STRN: variants seen among roughly 807,000 people sequenced by gnomAD.
STRN encodes the protein protein phosphatase 2 regulatory subunit B'''alpha.
A neutral mutation model predicts 96.3 loss-of-function variants in STRN; 53 were observed. That is an observed-to-expected ratio of 0.55 (90% CI 0.44 to 0.69). The LOEUF (loss-of-function observed/expected upper bound fraction) is 0.69, where lower values mean the gene tolerates loss of function less well. Among genes scored for constraint, STRN ranks in the 30% least tolerant of loss-of-function variants. The pLI is 0.00. For missense variants in STRN, 987 were observed against 963.9 expected (o/e 1.02, Z -0.32); for synonymous variants, 428 against 355.9 (o/e 1.20, Z -2.28).
chr2:36,861,304 A>G, intron 12 of STRN, 51 bp from the exon 13 acceptor site: 1 of 1,584,552 alleles, frequency 6.3e-7, no homozygotes, highest in Non-Finnish European at 8.6e-7. Context: ...AACCAACCTG[A>G]TAATATGACT....
chr2:36,858,023 T>A lies in STRN; in HGVS notation c.1670A>T (p.Asp557Val), dbSNP rs1468915864. The stretch of plus-strand genomic sequence containing the variant: ...CAGAGGGCCTCGTAAAACAGAAGGA[T>A]CTATACAAAACAGTAAAAATGCAAA... Reference protein sequence around the residue: ...NPNIDPYDSYDPSVLRGPLLG... With the variant: ...NPNIDPYDSYVPSVLRGPLLG... Residue 557 changes from aspartate to valine, a missense_variant and splice_region_variant, in exon 14 of 18, where the codon GAT (aspartate) becomes GTT (valine). Physicochemically the swap from Asp to Val is radical, Grantham distance 152 (BLOSUM62 -3). Coordinates refer to ENST00000263918, the MANE Select transcript of STRN (RefSeq NM_003162.4). 2 of 1,586,606 alleles carry A rather than the reference T, an allele frequency of 1.3e-6. No individual in the cohort carries two copies. The highest frequency in any genetic ancestry group is 4.5e-5 in the East Asian group (2 of 44,178).
intron 12 of STRN, among the ~76,000 whole-genome samples, chr2:36,862,490 TGTAA>T (rs1304026664): frequency 6.6e-6 from 1 of 152,222 alleles, no homozygotes; most frequent in Non-Finnish European, 1.5e-5. Context: ...TTTGCATTTC[TGTAA>T]TAATAAGTGT....
At chr2:36,897,639 G>A (rs1318181230) in intron 6 of STRN, among the ~76,000 whole-genome samples, 12 of 151,518 alleles carry the variant, frequency 7.9e-5, no homozygotes, top group Admixed American at 3.3e-4. Flanking sequence ...GGGTTTCACC[G>A]CGTTAGCCAG....
intron 3 of STRN, among the ~76,000 whole-genome samples, chr2:36,911,705 T>C (rs115660884): frequency 3.3e-4 from 50 of 152,338 alleles, no homozygotes; most frequent in African/African-American, 1.2e-3. Context: ...TTTTAGTTCA[T>C]GGCTTATCAC....
chr2:36,937,439 C>T (rs1235485875), intron 1 of STRN, among the ~76,000 whole-genome samples: 1 of 151,464 alleles, frequency 6.6e-6, no homozygotes, highest in Admixed American at 6.6e-5. Context: ...GAGGTCAAGG[C>T]AGGAAGATGG....
chr2:36,886,953 T>G (rs574887358), intron 7 of STRN, 127 bp from the exon 8 acceptor site: 1 of 624,820 alleles, frequency 1.6e-6, no homozygotes, highest in South Asian at 2.7e-5. Context: ...AGTCAGTTTA[T>G]TCATTTTATA....
chr2:36,890,463 A>C (rs1218501459), intron 7 of STRN, among the ~76,000 whole-genome samples: 1 of 148,014 alleles, frequency 6.8e-6, no homozygotes, highest in Non-Finnish European at 1.5e-5. Flanking sequence ...CAATATTATC[A>C]CTGCACCAGA....
At chr2:36,851,276 A>G (rs983137668) in intron 15 of STRN, among the ~76,000 whole-genome samples, 169 bp from the exon 16 acceptor site, 1 of 151,564 alleles carries the variant, frequency 6.6e-6, no homozygotes, top group African/African-American at 2.4e-5. Context: ...CGAGGTCAGG[A>G]GATCGAGACC....
At chr2:36,958,575 G>C (rs1440983636) in intron 1 of STRN, among the ~76,000 whole-genome samples, 2 of 152,156 alleles carry the variant, frequency 1.3e-5, no homozygotes, top group African/African-American at 4.8e-5. Flanking sequence ...TGGAGTGGAA[G>C]ATATGTCATT....
intron 2 of STRN, among the ~76,000 whole-genome samples, chr2:36,920,033 A>G (rs1350131285): frequency 6.6e-6 from 1 of 152,338 alleles, no homozygotes; most frequent in Non-Finnish European, 1.5e-5. Flanking sequence ...AAAATCATGC[A>G]AAGAAAATCA....
At chr2:36,916,370 A>G (rs1054076867) in intron 2 of STRN, among the ~76,000 whole-genome samples, 3 of 152,256 alleles carry the variant, frequency 2.0e-5, no homozygotes, top group African/African-American at 7.2e-5. Flanking sequence ...AAAATAAAGG[A>G]ATAACTCTGG....
Position 36,848,755 on chromosome 2 carries a change from C to T in STRN, c.*701G>A, listed in dbSNP as rs1668144206. On this transcript the variant is annotated 3_prime_UTR_variant, in exon 18 of 18. Coordinates refer to ENST00000263918, the MANE Select transcript of STRN (RefSeq NM_003162.4). Reference sequence around the variant, plus strand: ...CAATGGTGAGTGCTTGATAGCTAAACTTTAGAATGATACCAAATCTGTTTT... The same window carrying T: ...CAATGGTGAGTGCTTGATAGCTAAATTTTAGAATGATACCAAATCTGTTTT... 6.6e-6 allele frequency: 1 copy of T among 152,350 alleles called. No homozygotes were observed. Among genetic ancestry groups the T allele is most frequent in the Non-Finnish European group, 1.5e-5 (1 of 68,006 alleles). The allele number at this position is 152,350 out of a possible 1,614,324, so 9.4% of individuals were successfully genotyped here. A position where few individuals can be genotyped will look rare whatever the true frequency, so the allele number is the denominator to read the frequency against.
intron 2 of STRN, among the ~76,000 whole-genome samples, chr2:36,922,673 C>G (rs983939708): frequency 6.6e-6 from 1 of 152,148 alleles, no homozygotes; most frequent in Non-Finnish European, 1.5e-5. Flanking sequence ...AACCAACATC[C>G]TACTCTCCAC....
At chr2:36,880,900 C>G (rs1572644161) in intron 9 of STRN, among the ~76,000 whole-genome samples, 1 of 152,128 alleles carries the variant, frequency 6.6e-6, no homozygotes, top group East Asian at 1.9e-4. Context: ...GGTAACAACT[C>G]CTTCCTTACA....
chr2:36,901,784 C>T (rs1558645025), intron 5 of STRN, among the ~76,000 whole-genome samples: 1 of 152,104 alleles, frequency 6.6e-6, no homozygotes, highest in Non-Finnish European at 1.5e-5. Flanking sequence ...AGGAACTTTG[C>T]TTATAAAAGT....
chr2:36,915,978 C>A lies in STRN; in HGVS notation c.412+100G>T, dbSNP rs768343107. The A allele has an allele frequency of 3.7e-6, 4 of 1,073,462 alleles. No homozygotes were observed. In the South Asian group the frequency reaches 4.2e-5, roughly 11 times the overall value. The allele number at this position is 1,073,462 out of a possible 1,614,324, so 66.5% of individuals were successfully genotyped here. A position where few individuals can be genotyped will look rare whatever the true frequency, so the allele number is the denominator to read the frequency against. On this transcript the variant is annotated intron_variant, in intron 3 of 17. Coordinates refer to ENST00000263918, the MANE Select transcript of STRN (RefSeq NM_003162.4). The stretch of plus-strand genomic sequence containing the variant: ...AGCAGGTCAGAAAAAATAACTAATA[C>A]ACAAATAATTAGAAAGTAACTTACA...
chr2:36,948,869 G>A (rs1473259038), intron 1 of STRN, among the ~76,000 whole-genome samples: 1 of 152,180 alleles, frequency 6.6e-6, no homozygotes, highest in African/African-American at 2.4e-5. Flanking sequence ...AATCTACAAG[G>A]TGGTCGAAGG....
At chr2:36,940,559 G>A (rs1052237889) in intron 1 of STRN, among the ~76,000 whole-genome samples, 12 of 152,058 alleles carry the variant, frequency 7.9e-5, no homozygotes, top group Admixed American at 2.6e-4. Context: ...TGGGTGCAGT[G>A]GCTCACACCT....
intron 6 of STRN, among the ~76,000 whole-genome samples, chr2:36,895,678 G>A (rs1445990140): frequency 4.6e-5 from 7 of 151,502 alleles, no homozygotes; most frequent in Non-Finnish European, 8.8e-5. Context: ...TTGGGAGGCC[G>A]AGATGGGTGG....
Sources: gnomAD v4.1 joint callset for allele counts (sites outside exome capture counted in the v4.1 genomes callset) on GRCh38, gnomAD v4.1.1 for gene constraint, MANE v1.5 for transcripts, NCBI Gene and HGNC (gene_info 2026-07-23, HGNC 2026-07-21) for gene names.